Variants in CCDC63 observed in about 807,000 individuals in gnomAD.
CCDC63 encodes coiled-coil domain-containing protein 63.
A neutral mutation model predicts 63.6 loss-of-function variants in CCDC63; 54 were observed. The ratio of observed to expected loss-of-function variants is 0.85; its 90% CI spans 0.68 to 1.07. The LOEUF (loss-of-function observed/expected upper bound fraction) is 1.07, where lower values mean the gene tolerates loss of function less well. CCDC63 is among the 50% of genes least tolerant of loss of function. The pLI is 0.00. For synonymous variants in CCDC63, 253 were observed against 266.1 expected, an observed-to-expected ratio of 0.95 and a Z score of 0.48; for missense variants, 637 against 689.6, an observed-to-expected ratio of 0.92 and a Z score of 0.86.
intron 2 of CCDC63, 25 bp downstream of exon 2, chr12:110,852,988 C>T: frequency 6.2e-7 from 1 of 1,613,456 alleles, no homozygotes; most frequent in Non-Finnish European, 8.5e-7. Context: ...CTCCCAGCCA[C>T]AGAGCACCTA....
intron 7 of CCDC63, among the ~76,000 whole-genome samples, chr12:110,883,116 C>A (rs1260765693): frequency 6.6e-6 from 1 of 151,580 alleles, no homozygotes; most frequent in African/African-American, 2.4e-5. Flanking sequence ...CGGCTCACTG[C>A]AACCTCCACC....
intron 10 of CCDC63, among the ~76,000 whole-genome samples, chr12:110,902,579 C>G (rs535051666): frequency 6.6e-6 from 1 of 152,098 alleles, no homozygotes; most frequent in Non-Finnish European, 1.5e-5. Flanking sequence ...CTACTCCCCC[C>G]GACCACTATT....
At chr12:110,883,973 C>A in intron 7 of CCDC63, 57 bp from the exon 8 acceptor site, 1 of 1,333,536 alleles carries the variant, frequency 7.5e-7, no homozygotes, top group Non-Finnish European at 1.1e-6. Context: ...GTCTGCCTGG[C>A]ACGGATCTGA....
At chr12:110,874,840 G>A (rs2071110524) in intron 5 of CCDC63, among the ~76,000 whole-genome samples, 1 of 152,122 alleles carries the variant, frequency 6.6e-6, no homozygotes, top group African/African-American at 2.4e-5. Context: ...CCCAAGTCAG[G>A]GAAGGGCAGC....
intron 4 of CCDC63, among the ~76,000 whole-genome samples, chr12:110,865,464 CAAAA>C (rs10585238): frequency 0.012 from 1,259 of 102,340 alleles, 17 homozygotes; most frequent in African/African-American, 0.042. Flanking sequence ...CAGCATATAC[CAAAA>C]AAAAAAAAAA....
intron 8 of CCDC63, among the ~76,000 whole-genome samples, chr12:110,892,818 CA>C (rs11449717): frequency 4.1e-5 from 6 of 146,806 alleles, no homozygotes; most frequent in Admixed American, 6.8e-5. Flanking sequence ...GACTTCATCT[CA>C]AAAAAAAAAG....
intron 3 of CCDC63, among the ~76,000 whole-genome samples, chr12:110,854,255 C>CTTTTTTT: frequency 9.4e-6 from 1 of 106,750 alleles, no homozygotes; most frequent in South Asian, 2.9e-4. Flanking sequence ...CATTTCTTTT[C>CTTTTTTT]TTTTTTTTTT....
chr12:110,847,975 G>A (rs2136632852), intron 1 of CCDC63, among the ~76,000 whole-genome samples: 1 of 152,264 alleles, frequency 6.6e-6, no homozygotes, highest in East Asian at 1.9e-4. Context: ...ATGCTGTGGT[G>A]AATAGACTGA....
intron 5 of CCDC63, among the ~76,000 whole-genome samples, chr12:110,876,236 T>TC (rs999974828): frequency 1.3e-4 from 19 of 145,188 alleles, no homozygotes; most frequent in Admixed American, 2.9e-4. Flanking sequence ...GTCAGGTCTT[T>TC]CCCCCCCACA....
intron 10 of CCDC63, among the ~76,000 whole-genome samples, chr12:110,903,066 G>A (rs1034549753): frequency 1.3e-5 from 2 of 151,940 alleles, no homozygotes; most frequent in Non-Finnish European, 2.9e-5. Context: ...CAGTAGAGAT[G>A]GGGTTTCACC....
In CCDC63 at chr12:110,858,758, G is replaced by A. The variant is rs756700936; in HGVS notation, c.352G>A (p.Ala118Thr). The change falls in exon 4 of 12, where the codon GCT becomes ACT. Residue 118 changes from alanine (A) to threonine (T), a missense_variant. Transcript: ENST00000308208. ...GATTAAATCCCTGAAAGTGCTGTTGGCTGAACTGGATGAGAAGGTGTGGTC... is the reference window on the plus strand; with the variant it reads ...GATTAAATCCCTGAAAGTGCTGTTGACTGAACTGGATGAGAAGGTGTGGTC... Reference protein sequence around the residue: ...ALIKSLKVLLAELDEKILQME... With the variant: ...ALIKSLKVLLTELDEKILQME... 1 of 1,613,828 alleles carries A rather than the reference G, an allele frequency of 6.2e-7. No homozygotes were observed. Among genetic ancestry groups the A allele is most frequent in the Non-Finnish European group, 8.5e-7 (1 of 1,179,890 alleles).
Position 110,907,216 on chromosome 12 carries a change from A to C in CCDC63, c.1547-115A>C. 1 of 986,272 alleles carries C rather than the reference A, an allele frequency of 1.0e-6. No homozygotes were observed. The highest frequency in any genetic ancestry group is 2.6e-5 in the East Asian group (1 of 38,600). The allele number at this position is 986,272 out of a possible 1,614,324, so 61.1% of individuals were successfully genotyped here. Reference sequence around the variant, plus strand: ...TCTGTTCATTCTCCCCCTCCTTGAAACCTGAGAATTTCCATGCTCCACTCC... The same window carrying C: ...TCTGTTCATTCTCCCCCTCCTTGAACCCTGAGAATTTCCATGCTCCACTCC... On this transcript the variant is annotated intron_variant, in intron 11 of 11. Transcript: ENST00000308208. This position sits in a 1 kb window ranked among gnomAD's most constrained non-coding sequence, Gnocchi z 4.4.
intron 10 of CCDC63, among the ~76,000 whole-genome samples, chr12:110,899,684 T>A (rs2071462107): frequency 6.7e-6 from 1 of 149,990 alleles, no homozygotes; most frequent in South Asian, 2.1e-4. Flanking sequence ...TCTCTTTTAA[T>A]GCCTTCTTTT....
chr12:110,890,111 G>A (rs1400606414), intron 8 of CCDC63, among the ~76,000 whole-genome samples: 2 of 152,026 alleles, frequency 1.3e-5, no homozygotes, highest in African/African-American at 2.4e-5. Flanking sequence ...TGGGCAACAT[G>A]GCGAAACCCC....
intron 1 of CCDC63, among the ~76,000 whole-genome samples, chr12:110,852,323 T>G (rs546041292): frequency 7.7e-4 from 117 of 152,216 alleles, no homozygotes; most frequent in Non-Finnish European, 1.5e-3. Flanking sequence ...TGGCGCGATC[T>G]CGGCTCACTC....
rs116390720 is a variant in CCDC63, at chr12:110,907,374, C to T, written c.1590C>T (p.Leu530=). ...ACAGCAGCCTTCGGCAGCTGGTTCTCGACAATTATATCCTGAAGGAGAATC... is the reference window on the plus strand; with the variant it reads ...ACAGCAGCCTTCGGCAGCTGGTTCTTGACAATTATATCCTGAAGGAGAATC... The part of the protein sequence containing the change: ...LDHSSLRQLV[L]DNYILKENRS... Residue 530 remains leucine (L), a synonymous_variant, in exon 12 of 12, where the codon CTC becomes CTT. Transcript: ENST00000308208. The surrounding 1 kb of genome is among the most constrained non-coding windows in gnomAD (Gnocchi z 4.4). The T allele has an allele frequency of 2.4e-4, 387 of 1,614,020 alleles. 5 individuals carry two copies. The African/African-American group carries it at 4.1e-3, about 17-fold the overall frequency.
intron 11 of CCDC63, among the ~76,000 whole-genome samples, chr12:110,906,719 C>A (rs2071591041): frequency 6.6e-6 from 1 of 152,090 alleles, no homozygotes; most frequent in South Asian, 2.1e-4. Flanking sequence ...GACTGAAACG[C>A]AGCAGGAGTG....
chr12:110,898,106 A>G (rs2071436180), intron 9 of CCDC63, among the ~76,000 whole-genome samples: 1 of 148,350 alleles, frequency 6.7e-6, no homozygotes, highest in South Asian at 2.2e-4. Context: ...ACGTGGTGAA[A>G]CCCCATCTCT....
chr12:110,878,720 C>T (rs577829076), intron 5 of CCDC63, among the ~76,000 whole-genome samples: 1 of 152,144 alleles, frequency 6.6e-6, no homozygotes, highest in African/African-American at 2.4e-5. Flanking sequence ...GATGCCCTTA[C>T]GAGGTGGTGA....
Sources: gnomAD v4.1 joint callset for allele counts (sites outside exome capture counted in the v4.1 genomes callset) on GRCh38, gnomAD v4.1.1 for gene constraint, Gnocchi (gnomAD v3.1) non-coding constraint, MANE v1.5 for transcripts, NCBI Gene and HGNC (gene_info 2026-07-23, HGNC 2026-07-21) for gene names.